The following HMCN2 variants were observed in gnomAD, a reference collection of about 807,000 sequenced individuals.
HMCN2 encodes the protein hemicentin-2.
Under a neutral mutation model 377.5 loss-of-function variants are expected in HMCN2, and 325 were observed. The observed-to-expected ratio is 0.86, with a 90% CI of 0.79 to 0.94. The LOEUF is 0.94. Among genes scored for constraint, HMCN2 ranks in the 40% least tolerant of loss-of-function variants. The pLI is 0.00. For missense variants in HMCN2, 4,543 were observed against 4,725.3 expected, an observed-to-expected ratio of 0.96 and a Z score of 1.13; for synonymous variants, 2,007 against 2,046.8, an observed-to-expected ratio of 0.98 and a Z score of 0.53.
At position 130,384,636 on chromosome 9, in the gene HMCN2, TG is replaced by T. The variant is rs761807714; in HGVS notation, c.8993-44del. On this transcript the variant is annotated intron_variant, in intron 58 of 97. Transcript: ENST00000683500. Reference sequence around the variant, plus strand: ...CGTCAGTCGTGCAGGGATTTAGGACTGGGGGCTGGGCTGGAATGCTGGTGTG... The same window carrying T: ...CGTCAGTCGTGCAGGGATTTAGGACTGGGGCTGGGCTGGAATGCTGGTGTG... 19 of 1,301,078 alleles carry T rather than the reference TG, an allele frequency of 1.5e-5. No individual in the cohort carries two copies. The South Asian group carries it at 2.3e-4, about 16-fold the overall frequency. The allele number at this position is 1,301,078 out of a possible 1,614,324, so 80.6% of individuals were successfully genotyped here.
chr9:130,311,176 G>T (rs1837223616), intron 15 of HMCN2, among the ~76,000 whole-genome samples: 2 of 152,252 alleles, frequency 1.3e-5, no homozygotes, highest in African/African-American at 4.8e-5. Flanking sequence ...CGGCGAGAGA[G>T]GCAGGTGCTA....
intron 73 of HMCN2, among the ~76,000 whole-genome samples, 193 bp from the exon 74 acceptor site, chr9:130,397,332 TCTC>T: frequency 6.6e-6 from 1 of 152,194 alleles, no homozygotes; most frequent in Non-Finnish European, 1.5e-5. Context: ...AATTCAATCA[TCTC>T]CTACCAGGTC....
chr9:130,353,091 G>T lies in HMCN2; in HGVS notation c.4750G>T (p.Gly1584Cys), dbSNP rs748708960. ...CAGCACCAAGGTGGTCTACACTAGG[G>T]GCGGTCGGCAGTTGCAGCTGGGGAG... The part of the protein sequence containing the change: ...PTSTKVVYTR[G>C]GRQLQLGRAQ... Residue 1584 changes from glycine (G) to cysteine (C), a missense_variant, in exon 31 of 98, where the codon GGC (glycine) becomes TGC (cysteine). This residue lies in a region of HMCN2 where 1,032 missense variants were observed against 1,285.1 expected (regional missense o/e 0.80). Transcript: ENST00000683500. 1.5e-6 allele frequency: 2 copies of T among 1,304,260 alleles called. No homozygotes were observed. Among genetic ancestry groups the T allele is most frequent in the South Asian group, 2.5e-5 (2 of 81,014 alleles). 80.8% of individuals were successfully genotyped at this position (1,304,260 alleles called of 1,614,324 possible).
In HMCN2 at chr9:130,351,551, C is replaced by T. The variant is rs1392664101; in HGVS notation, c.4559C>T (p.Ala1520Val). 7.7e-7 allele frequency: 1 copy of T among 1,303,806 alleles called. No individual in the cohort carries two copies. 80.8% of individuals were successfully genotyped at this position (1,303,806 alleles called of 1,614,324 possible). A position where few individuals can be genotyped will look rare whatever the true frequency, so the allele number is the denominator to read the frequency against. ...GCCTTCAGCCCAGCTGGTCAGCAGG[C>T]CAGGGACTTCCAGCTCCGAGTTCAT... ...CVAFSPAGQQ[A>V]RDFQLRVHAP... The change falls in exon 30 of 98, where the codon GCC becomes GTC. Residue 1520 changes from alanine (A) to valine (V), a missense_variant. By Grantham distance (64) the Ala-to-Val change is moderately conservative (BLOSUM62 0). Around this residue, in one of 5 missense-constraint regions of HMCN2, gnomAD observed 1,032 missense variants for 1,285.1 expected, o/e 0.80. Coordinates refer to ENST00000683500, the MANE Select transcript of HMCN2 (RefSeq NM_001291815.2). This position sits in a 1 kb window ranked among gnomAD's most constrained non-coding sequence, Gnocchi z 5.4.
intron 65 of HMCN2, 99 bp from the exon 66 acceptor site, chr9:130,391,836 G>A (rs913164690): frequency 3.2e-5 from 24 of 739,930 alleles, no homozygotes; most frequent in African/African-American, 5.7e-5. Flanking sequence ...GGTTGCTGGC[G>A]GCAGAAGTCC....
intron 83 of HMCN2, 36 bp downstream of exon 83, chr9:130,407,741 A>C (rs1588413541): frequency 1.7e-6 from 2 of 1,172,342 alleles, no homozygotes; most frequent in Non-Finnish European, 2.2e-6. Context: ...CTCTCTCAAG[A>C]CCTCCAGTCT....
rs553754126 is a variant in HMCN2 at position 130,295,022 on chromosome 9, G to A, written c.780G>A (p.Pro260=). The A allele has an allele frequency of 1.9e-5, 9 of 467,840 alleles. No individual in the cohort carries two copies. In the East Asian group the frequency reaches 2.8e-4, roughly 15 times the overall value. The allele number at this position is 467,840 out of a possible 1,614,324, so 29.0% of individuals were successfully genotyped here. A position where few individuals can be genotyped will look rare whatever the true frequency, so the allele number is the denominator to read the frequency against. The change falls in exon 5 of 98, where the codon CCG becomes CCA. Residue 260 remains proline (P), a synonymous_variant. Coordinates refer to ENST00000683500, the MANE Select transcript of HMCN2 (RefSeq NM_001291815.2). ...GPGPEIEVQD[P]LGRILQEDEG... Reference sequence around the variant, plus strand: ...GGCCTGAGATTGAAGTCCAAGATCCGCTGGGTATGGACCACCCCGGGGCTG... The same window carrying A: ...GGCCTGAGATTGAAGTCCAAGATCCACTGGGTATGGACCACCCCGGGGCTG...
chr9:130,378,604 G>A (rs1250996883), intron 53 of HMCN2, among the ~76,000 whole-genome samples: 2 of 151,018 alleles, frequency 1.3e-5, no homozygotes, highest in African/African-American at 4.9e-5. Flanking sequence ...AGGCGGGGAG[G>A]CAGGGAGGCA....
In HMCN2 at chr9:130,304,580, C is replaced by T. The variant is rs928446057; in HGVS notation, c.1544-150C>T. The T allele has an allele frequency of 2.8e-6, 1 of 352,164 alleles. No homozygotes were observed. The highest frequency in any genetic ancestry group is 2.1e-5 in the African/African-American group (1 of 46,746). The allele number at this position is 352,164 out of a possible 1,614,324, so 21.8% of individuals were successfully genotyped here. A position where few individuals can be genotyped will look rare whatever the true frequency, so the allele number is the denominator to read the frequency against. On this transcript the variant is annotated intron_variant, in intron 10 of 97. Transcript: ENST00000683500. This position sits in a 1 kb window ranked among gnomAD's most constrained non-coding sequence, Gnocchi z 4.3. ...TGCCTGATGGTGAGCAGATGCTGGTCACCCTATGCTGCTAGCTGACATGTC... is the reference window on the plus strand; with the variant it reads ...TGCCTGATGGTGAGCAGATGCTGGTTACCCTATGCTGCTAGCTGACATGTC...
At chr9:130,429,430 C>A (rs1844598612) in intron 93 of HMCN2, 127 bp from the exon 94 acceptor site, 1 of 1,232,278 alleles carries the variant, frequency 8.1e-7, no homozygotes, top group Non-Finnish European at 1.1e-6. Flanking sequence ...GGCCATGCAG[C>A]CTGGTGGCAC....
chr9:130,362,984 G>A lies in HMCN2; in HGVS notation c.6226G>A (p.Val2076Ile). 1.0e-6 allele frequency: 1 copy of A among 985,970 alleles called. No individual in the cohort carries two copies. Among genetic ancestry groups the A allele is most frequent in the Non-Finnish European group, 1.2e-6 (1 of 830,006 alleles). The allele number at this position is 985,970 out of a possible 1,614,324, so 61.1% of individuals were successfully genotyped here. A position where few individuals can be genotyped will look rare whatever the true frequency, so the allele number is the denominator to read the frequency against. ...GGACCGCCAGGATGTTGTCCTGCAA[G>A]TCCACAGTGAGTCTCAGACTGGGAA... ...GEDRQDVVLQ[V>I]HMPPSILGEE... The change falls in exon 40 of 98, where the codon GTC (valine) becomes ATC (isoleucine). Residue 2076 changes from valine (V) to isoleucine (I), a missense_variant. Coordinates refer to ENST00000683500, the MANE Select transcript of HMCN2 (RefSeq NM_001291815.2).
chr9:130,411,598 C>CAAAAAAA (rs35719589), intron 85 of HMCN2, among the ~76,000 whole-genome samples: 4 of 97,736 alleles, frequency 4.1e-5, no homozygotes, highest in African/African-American at 4.5e-5. Context: ...GACTCAATCT[C>CAAAAAAA]AAAAAAAAAA....
chr9:130,416,906 T>TTTTATTTA (rs1037543310), intron 85 of HMCN2, among the ~76,000 whole-genome samples: 2 of 151,498 alleles, frequency 1.3e-5, no homozygotes, highest in Admixed American at 6.6e-5. Context: ...ATCACAAGTG[T>TTTTATTTA]TTTATTTATT....
At chr9:130,314,474 T>C (rs1259893004) in intron 15 of HMCN2, among the ~76,000 whole-genome samples, 2 of 152,246 alleles carry the variant, frequency 1.3e-5, no homozygotes, top group African/African-American at 2.4e-5. Context: ...ATTTTCCATG[T>C]TTCTTTATGG....
chr9:130,305,864 A>C (rs1554936458), intron 11 of HMCN2, among the ~76,000 whole-genome samples: 1 of 152,098 alleles, frequency 6.6e-6, no homozygotes. Flanking sequence ...CTCAGCCTGG[A>C]GTGGACGTTC....
intron 1 of HMCN2, among the ~76,000 whole-genome samples, chr9:130,268,092 A>T (rs1276010051): frequency 1.3e-5 from 2 of 152,208 alleles, no homozygotes; most frequent in Non-Finnish European, 2.9e-5. Context: ...TGTCTCTGAA[A>T]TATGTGGCTC....
chr9:130,388,739 G>A (rs1422562275), intron 62 of HMCN2, among the ~76,000 whole-genome samples, 199 bp downstream of exon 62: 1 of 145,434 alleles, frequency 6.9e-6, no homozygotes, highest in Non-Finnish European at 1.5e-5. Context: ...CAAACATAAA[G>A]AGCGTCTCCT....
intron 22 of HMCN2, among the ~76,000 whole-genome samples, chr9:130,332,566 C>CT (rs1389750808): frequency 0.012 from 1,832 of 152,326 alleles, 51 homozygotes; most frequent in African/African-American, 0.041. Context: ...ACCAGCATCG[C>CT]AGGGCTTACG....
chr9:130,267,400 CAACAAACA>C (rs1247319928), intron 1 of HMCN2, among the ~76,000 whole-genome samples: 2 of 141,924 alleles, frequency 1.4e-5, no homozygotes, highest in South Asian at 2.4e-4. Flanking sequence ...CTTTATAAAG[CAACAAACA>C]AACAAACAAA....
Sources: allele counts gnomAD v4.1 joint callset (sites outside exome capture counted in the v4.1 genomes callset), GRCh38; gene constraint gnomAD v4.1.1; regional missense constraint gnomAD v4.1.1; non-coding constraint Gnocchi (gnomAD v3.1); transcripts MANE v1.5; gene names NCBI Gene and HGNC (gene_info 2026-07-23, HGNC 2026-07-21).